The following PLAG1 variants were observed in gnomAD, a reference collection of about 807,000 sequenced individuals.
PLAG1 encodes the protein zinc finger protein PLAG1.
A neutral mutation model predicts 35.5 loss-of-function variants in PLAG1; 7 were observed. That is an observed-to-expected ratio of 0.20 (90% CI 0.11 to 0.37). PLAG1 has a LOEUF of 0.37. Among genes scored for constraint, PLAG1 ranks in the 10% least tolerant of loss-of-function variants. PLAG1 has a pLI of 1.00. For missense variants in PLAG1, 454 were observed against 602.8 expected, an observed-to-expected ratio of 0.75 and a Z score of 2.58; for synonymous variants, 229 against 225.4, an observed-to-expected ratio of 1.02 and a Z score of -0.14.
At position 56,187,991 on chromosome 8, in the gene PLAG1, CCT is replaced by C. The variant is rs552630769; in HGVS notation, c.-321-8480_-321-8479del. On this transcript the variant is annotated intron_variant, in intron 1 of 4. Coordinates refer to ENST00000316981, the MANE Select transcript of PLAG1 (RefSeq NM_002655.3). ...TTGACTATCCAGCAATGGACTGACC[CCT>C]GTTTATGGCTTAACTTTGGTTGGTA... Among the ~76,000 whole-genome samples the C allele has an allele frequency of 5.9e-5, 9 of 152,192 alleles. No individual in the cohort carries two copies. In the South Asian group the frequency reaches 1.9e-3, roughly 32 times the overall value.
intron 1 of PLAG1, among the ~76,000 whole-genome samples, chr8:56,190,965 T>C (rs1563387270): frequency 6.6e-6 from 1 of 151,946 alleles, no homozygotes. Context: ...AGGGCAGGCA[T>C]GGGAAATGTG....
intron 1 of PLAG1, among the ~76,000 whole-genome samples, chr8:56,196,188 C>A (rs1351370954): frequency 6.6e-6 from 1 of 152,060 alleles, no homozygotes; most frequent in East Asian, 1.9e-4. Flanking sequence ...AACTTCACAC[C>A]CGCAGGAAAA....
chr8:56,192,948 G>GA (rs200105111), intron 1 of PLAG1, among the ~76,000 whole-genome samples: 6 of 149,782 alleles, frequency 4.0e-5, no homozygotes, highest in Admixed American at 2.0e-4. Flanking sequence ...TTTTAAGGAA[G>GA]AAAAAAAAAT....
rs147501173 is a variant in PLAG1, at chr8:56,175,623, A to G, written c.-217+3786T>C. 1.3e-3 allele frequency among the ~76,000 whole-genome samples: 199 copies of G among 152,358 alleles called. 1 individual carries two copies. Among genetic ancestry groups the G allele is most frequent in the Non-Finnish European group, 2.3e-3 (155 of 68,030 alleles). On this transcript the variant is annotated intron_variant, in intron 2 of 4. Transcript: ENST00000316981. Reference sequence around the variant, plus strand: ...TTTAACTCATTTTGAGCAATTCATTAAAATATAGTTCTAGGACATCTTTTT... The same window carrying G: ...TTTAACTCATTTTGAGCAATTCATTGAAATATAGTTCTAGGACATCTTTTT...
chr8:56,187,876 C>T (rs1257679601), intron 1 of PLAG1, among the ~76,000 whole-genome samples: 1 of 152,126 alleles, frequency 6.6e-6, no homozygotes, highest in Non-Finnish European at 1.5e-5. Context: ...TACATAAACC[C>T]AAATCACAGC....
rs1232927998 is a variant in PLAG1 at position 56,166,789 on chromosome 8, T to G, written c.957A>C (p.Ile319=). 6.2e-7 allele frequency: 1 copy of G among 1,613,804 alleles called. No individual in the cohort carries two copies. The highest frequency in any genetic ancestry group is 1.7e-5 in the Admixed American group (1 of 60,018). ...GAGAGGGATGAACAGTGTCCATATC[T>G]ATTGGGCATGTCATTCCCAAAGGTA... is the stretch of plus-strand genomic sequence containing the variant. ...TTLPLGMTCP[I]DMDTVHPSHH... The change falls in exon 5 of 5, where the codon ATA becomes ATC. Residue 319 remains isoleucine (I), a synonymous_variant. Coordinates refer to ENST00000316981, the MANE Select transcript of PLAG1 (RefSeq NM_002655.3).
intron 1 of PLAG1, among the ~76,000 whole-genome samples, chr8:56,196,128 A>T (rs1434194837): frequency 1.3e-5 from 2 of 152,192 alleles, no homozygotes; most frequent in African/African-American, 4.8e-5. Flanking sequence ...TAGTAGAACG[A>T]GCTGGGGAGC....
chr8:56,210,897 C>T (rs929065425), intron 1 of PLAG1, among the ~76,000 whole-genome samples: 1 of 151,736 alleles, frequency 6.6e-6, no homozygotes, highest in African/African-American at 2.4e-5. Context: ...CTGTCAGAAG[C>T]GACTTCGGGA....
chr8:56,184,065 A>T (rs1438402942), intron 1 of PLAG1, among the ~76,000 whole-genome samples: 3 of 152,220 alleles, frequency 2.0e-5, no homozygotes, highest in African/African-American at 7.2e-5. Flanking sequence ...TTAGAACAAC[A>T]TCTCTGCAAA....
In PLAG1 at chr8:56,167,555, T is replaced by C. The variant is rs753079661; in HGVS notation, c.243-52A>G. The C allele has an allele frequency of 4.2e-6, 5 of 1,183,332 alleles. No homozygotes were observed. The highest frequency in any genetic ancestry group is 1.5e-5 in the South Asian group (1 of 68,254). 73.3% of individuals were successfully genotyped at this position (1,183,332 alleles called of 1,614,324 possible). On this transcript the variant is annotated intron_variant, in intron 4 of 4. Transcript: ENST00000316981. This position sits in a 1 kb window ranked among gnomAD's most constrained non-coding sequence, Gnocchi z 5.9. ...TAGTTATTATGACAAAAATGGCATG[T>C]ATTCACTTTTCAAATGGAAGCTAAA...
In PLAG1 at chr8:56,167,214, C is replaced by A; in HGVS notation, c.532G>T (p.Gly178Cys). Reference sequence around the variant, plus strand: ...TGGTGCTTTTTTTCTTTAACCCCACCAGACGACTTGCCTGCATGAGATTTA... The same window carrying A: ...TGGTGCTTTTTTTCTTTAACCCCACAAGACGACTTGCCTGCATGAGATTTA... ...HLKSHAGKSS[G>C]GVKEKKHQCE... The change falls in exon 5 of 5, where the codon GGT becomes TGT. Residue 178 changes from glycine to cysteine, a missense_variant. This residue lies in a region of PLAG1 where 170 missense variants were observed against 226.3 expected (regional missense o/e 0.75). Transcript: ENST00000316981. This position sits in a 1 kb window ranked among gnomAD's most constrained non-coding sequence, Gnocchi z 5.9. 1 of 1,614,066 alleles carries A rather than the reference C, an allele frequency of 6.2e-7. No individual in the cohort carries two copies.
At chr8:56,193,247 C>T (rs563595335) in intron 1 of PLAG1, among the ~76,000 whole-genome samples, 48 of 152,216 alleles carry the variant, frequency 3.2e-4, no homozygotes, top group African/African-American at 1.0e-3. Context: ...GGGTAGGGGA[C>T]GAAGGAAACA....
At chr8:56,177,962 CT>C in intron 2 of PLAG1, 2 of 863,982 alleles carry the variant, frequency 2.3e-6, no homozygotes, top group Non-Finnish European at 2.8e-6. Flanking sequence ...CAGGCACGTG[CT>C]ACCCAGAGCC....
At chr8:56,202,884 T>C (rs910995802) in intron 1 of PLAG1, among the ~76,000 whole-genome samples, 19 of 152,178 alleles carry the variant, frequency 1.2e-4, no homozygotes, top group Admixed American at 7.9e-4. Flanking sequence ...TATTGTGAGA[T>C]AGGAAGTACA....
intron 2 of PLAG1, among the ~76,000 whole-genome samples, chr8:56,175,899 G>T (rs1403355736): frequency 6.6e-6 from 1 of 152,116 alleles, no homozygotes; most frequent in Non-Finnish European, 1.5e-5. Context: ...CAGAGAGAAT[G>T]AACAGATAAC....
At chr8:56,175,346 G>A (rs905732072) in intron 2 of PLAG1, among the ~76,000 whole-genome samples, 1 of 152,178 alleles carries the variant, frequency 6.6e-6, no homozygotes, top group Non-Finnish European at 1.5e-5. Context: ...GGGCAGGAAG[G>A]ACGAGACTCT....
At chr8:56,189,478 A>G (rs922706952) in intron 1 of PLAG1, among the ~76,000 whole-genome samples, 8 of 152,204 alleles carry the variant, frequency 5.3e-5, no homozygotes, top group African/African-American at 1.9e-4. Context: ...CTTACAGATA[A>G]ACAAATCCTT....
intron 1 of PLAG1, among the ~76,000 whole-genome samples, chr8:56,187,722 A>G (rs1344443733): frequency 6.6e-6 from 1 of 152,116 alleles, no homozygotes; most frequent in African/African-American, 2.4e-5. Flanking sequence ...AAGGACAAAC[A>G]ATGGGAATAG....
chr8:56,207,978 A>T (rs1210647368), intron 1 of PLAG1, among the ~76,000 whole-genome samples: 1 of 152,130 alleles, frequency 6.6e-6, no homozygotes, highest in Non-Finnish European at 1.5e-5. Context: ...AAAAATCACA[A>T]TACCAGCACT....
Sources: gnomAD v4.1 joint callset for allele counts (sites outside exome capture counted in the v4.1 genomes callset) on GRCh38, gnomAD v4.1.1 for gene constraint, gnomAD v4.1.1 regional missense constraint, Gnocchi (gnomAD v3.1) non-coding constraint, MANE v1.5 for transcripts, NCBI Gene and HGNC (gene_info 2026-07-23, HGNC 2026-07-21) for gene names.